FAM210A: variants seen among roughly 807,000 people sequenced by gnomAD.
The protein encoded by FAM210A is family with sequence similarity 210 member A.
FAM210A carries 13 observed loss-of-function variants against 25.3 expected under a neutral mutation model. That is an observed-to-expected ratio of 0.51 (90% CI 0.33 to 0.82). The LOEUF (loss-of-function observed/expected upper bound fraction) is 0.82, where lower values mean the gene tolerates loss of function less well. Among genes scored for constraint, FAM210A ranks in the 40% least tolerant of loss-of-function variants. FAM210A has a pLI of 0.02. For missense variants in FAM210A, 319 were observed against 323.2 expected, an observed-to-expected ratio of 0.99 and a Z score of 0.10; for synonymous variants, 125 against 118.7, an observed-to-expected ratio of 1.05 and a Z score of -0.35.
chr18:13,704,846 T>C (rs1412732385), intron 1 of FAM210A, among the ~76,000 whole-genome samples: 1 of 152,202 alleles, frequency 6.6e-6, no homozygotes, highest in Non-Finnish European at 1.5e-5. Context: ...ATAACCACAT[T>C]TCCTTGTCAT....
At chr18:13,680,511 T>C (rs1787860) in intron 2 of FAM210A, among the ~76,000 whole-genome samples, 140,413 of 152,258 alleles carry the variant, frequency 0.92, 64,784 homozygotes, top group East Asian at 0.98. Flanking sequence ...TGTCAAGAAA[T>C]CTATGTGGTC....
intron 2 of FAM210A, among the ~76,000 whole-genome samples, chr18:13,677,713 A>C (rs573296313): frequency 2.6e-5 from 4 of 152,120 alleles, no homozygotes; most frequent in African/African-American, 9.7e-5. Flanking sequence ...CTCCTCCCTT[A>C]TTAGTATTAC....
rs201066692 is a variant in FAM210A, at chr18:13,673,205, CTTT to C, written c.474-1235_474-1233del. On this transcript the variant is annotated intron_variant, in intron 2 of 3. Transcript: ENST00000651643. Reference sequence around the variant, plus strand: ...TATTAACATTCCTGAGCCCCGACTTCTTTATTTCCAGTTTCCTGATTATTAACA... The same window carrying C: ...TATTAACATTCCTGAGCCCCGACTTCATTTCCAGTTTCCTGATTATTAACA... Among the ~76,000 whole-genome samples the C allele has an allele frequency of 7.6e-4, 112 of 147,306 alleles. 1 individual carries two copies. The East Asian group carries it at 8.9e-3, about 12-fold the overall frequency.
At chr18:13,720,927 T>C (rs77557784) in intron 1 of FAM210A, among the ~76,000 whole-genome samples, 2,704 of 152,300 alleles carry the variant, frequency 0.018, 29 homozygotes, top group Middle Eastern at 0.061. Context: ...CAGTTTCATA[T>C]GGCATTCTCC....
chr18:13,715,385 T>A (rs2043853560), intron 1 of FAM210A: 1 of 152,226 alleles, frequency 6.6e-6, no homozygotes, highest in Non-Finnish European at 1.5e-5. Flanking sequence ...TAACTATTTT[T>A]AAGATACTTA....
At chr18:13,671,825 G>A (rs369994519) in intron 3 of FAM210A, 37 bp downstream of exon 3, 12 of 1,341,974 alleles carry the variant, frequency 8.9e-6, no homozygotes, top group Non-Finnish European at 1.3e-5. Context: ...CACCACCAGT[G>A]AGTTCTGAGG....
At chr18:13,668,686 C>G (rs2043420072) in intron 3 of FAM210A, among the ~76,000 whole-genome samples, 1 of 152,218 alleles carries the variant, frequency 6.6e-6, no homozygotes. Flanking sequence ...GCCCTCTGCA[C>G]ACTCAGGCCA....
rs371096984 is a variant in FAM210A, at chr18:13,672,421, CTGTTT to C, written c.474-453_474-449del. 7.8e-4 allele frequency among the ~76,000 whole-genome samples: 118 copies of C among 152,192 alleles called. 3 individuals carry two copies. The East Asian group carries it at 0.019, about 25-fold the overall frequency. Reference sequence around the variant, plus strand: ...ACATGGTTTGTTAGTTTGTTCTGTTCTGTTTTGAGACAGAATCTTGTTCTGTTGCC... The same window carrying C: ...ACATGGTTTGTTAGTTTGTTCTGTTCTGAGACAGAATCTTGTTCTGTTGCC... On this transcript the variant is annotated intron_variant, in intron 2 of 3. Coordinates refer to ENST00000651643, the MANE Select transcript of FAM210A (RefSeq NM_152352.4).
intron 2 of FAM210A, among the ~76,000 whole-genome samples, chr18:13,672,507 C>T (rs1438769998): frequency 6.6e-6 from 1 of 152,136 alleles, no homozygotes; most frequent in Non-Finnish European, 1.5e-5. Flanking sequence ...CTCCCTGGTT[C>T]AAGCGATTCT....
At chr18:13,673,564 T>G (rs1270657040) in intron 2 of FAM210A, among the ~76,000 whole-genome samples, 24 of 150,178 alleles carry the variant, frequency 1.6e-4, no homozygotes, top group Non-Finnish European at 3.0e-5. Context: ...CCGACTTCTT[T>G]ATTTCCAGTT....
intron 1 of FAM210A, among the ~76,000 whole-genome samples, chr18:13,704,457 A>T (rs1014937974): frequency 5.9e-5 from 9 of 152,226 alleles, no homozygotes; most frequent in African/African-American, 1.9e-4. Context: ...CAAAAATTGC[A>T]AAGGGTTATA....
chr18:13,706,734 G>A (rs1325569929), intron 1 of FAM210A, among the ~76,000 whole-genome samples: 3 of 152,204 alleles, frequency 2.0e-5, no homozygotes, highest in Non-Finnish European at 4.4e-5. Flanking sequence ...AAATTCTCTT[G>A]TGAAGGTTAT....
Position 13,682,105 on chromosome 18 carries a change from T to G in FAM210A, c.-28A>C, listed in dbSNP as rs1298217353. On this transcript the variant is annotated splice_region_variant and 5_prime_UTR_variant, in exon 2 of 4. Transcript: ENST00000651643. ...TGAAGAGTGTTGATAGGTTTCAGCTTCTACAAAGACAATTTTTCAAAAAAA... is the reference window on the plus strand; with the variant it reads ...TGAAGAGTGTTGATAGGTTTCAGCTGCTACAAAGACAATTTTTCAAAAAAA... The G allele has an allele frequency of 3.9e-6, 6 of 1,521,318 alleles. No individual in the cohort carries two copies. Among genetic ancestry groups the G allele is most frequent in the Non-Finnish European group, 3.5e-6 (4 of 1,135,542 alleles). 94.2% of individuals were successfully genotyped at this position (1,521,318 alleles called of 1,614,324 possible).
At chr18:13,678,323 T>G (rs913841872) in intron 2 of FAM210A, among the ~76,000 whole-genome samples, 1 of 151,422 alleles carries the variant, frequency 6.6e-6, no homozygotes, top group Non-Finnish European at 1.5e-5. Flanking sequence ...CAGGCTGGAG[T>G]GCAATGGTGA....
intron 1 of FAM210A, among the ~76,000 whole-genome samples, chr18:13,720,027 G>A (rs561462051): frequency 6.6e-6 from 1 of 152,274 alleles, no homozygotes; most frequent in South Asian, 2.1e-4. Context: ...GCTCTTAACT[G>A]CTGAAATATT....
At chr18:13,711,195 AC>A (rs2043818683) in intron 1 of FAM210A, among the ~76,000 whole-genome samples, 2 of 151,922 alleles carry the variant, frequency 1.3e-5, no homozygotes, top group African/African-American at 4.8e-5. Context: ...ACATGATGAA[AC>A]CCTGTCTCTA....
chr18:13,716,834 G>C (rs1362178406), intron 1 of FAM210A, among the ~76,000 whole-genome samples: 1 of 152,162 alleles, frequency 6.6e-6, no homozygotes, highest in African/African-American at 2.4e-5. Context: ...CTCCAGCCAT[G>C]CTGAACTGTG....
Position 13,669,579 on chromosome 18 carries a change from C to T in FAM210A, c.585+2283G>A, listed in dbSNP as rs2043426541. Reference sequence around the variant, plus strand: ...CTCCCATTGAAAAACAAATCCATACCCCCATCCCTGGTTTCCTTTCTTAGC... The same window carrying T: ...CTCCCATTGAAAAACAAATCCATACTCCCATCCCTGGTTTCCTTTCTTAGC... On this transcript the variant is annotated intron_variant, in intron 3 of 3. Coordinates refer to ENST00000651643, the MANE Select transcript of FAM210A (RefSeq NM_152352.4). 2.0e-5 allele frequency among the ~76,000 whole-genome samples: 3 copies of T among 152,114 alleles called. No homozygotes were observed. The South Asian group carries it at 6.2e-4, about 32-fold the overall frequency.
At chr18:13,692,682 A>G (rs1182211250) in intron 1 of FAM210A, among the ~76,000 whole-genome samples, 1 of 152,238 alleles carries the variant, frequency 6.6e-6, no homozygotes, top group Admixed American at 6.5e-5. Context: ...AGAAATAAAG[A>G]TGTTCTTTGA....
Sources: gnomAD v4.1 joint callset for allele counts (sites outside exome capture counted in the v4.1 genomes callset) on GRCh38, gnomAD v4.1.1 for gene constraint, MANE v1.5 for transcripts, NCBI Gene and HGNC (gene_info 2026-07-23, HGNC 2026-07-21) for gene names.